CHCHD6: variants seen among roughly 807,000 people sequenced by gnomAD.
CHCHD6 encodes the protein MICOS complex subunit MIC25.
CHCHD6 carries 28 observed loss-of-function variants against 32.3 expected under a neutral mutation model. The ratio of observed to expected loss-of-function variants is 0.87; its 90% CI spans 0.64 to 1.19. CHCHD6 has a LOEUF of 1.19. Among genes scored for constraint, CHCHD6 ranks in the 50% most tolerant of loss-of-function variants. CHCHD6 has a pLI of 0.00. For missense variants in CHCHD6, 333 were observed against 307.0 expected (o/e 1.08, Z -0.63); for synonymous variants, 122 against 117.5 (o/e 1.04, Z -0.25).
Position 126,960,227 on chromosome 3 carries a change from G to A in CHCHD6, c.*26G>A. On this transcript the variant is annotated 3_prime_UTR_variant, in exon 8 of 8. Coordinates refer to ENST00000290913, the MANE Select transcript of CHCHD6 (RefSeq NM_032343.3). ...GGAGCAGACATCATTCCCTGCCCTGGCAGTGACTTGGAGCCCTGAAGAAGG... is the reference window on the plus strand; with the variant it reads ...GGAGCAGACATCATTCCCTGCCCTGACAGTGACTTGGAGCCCTGAAGAAGG... 1 of 1,551,254 alleles carries A rather than the reference G, an allele frequency of 6.4e-7. No individual in the cohort carries two copies. The highest frequency in any genetic ancestry group is 8.7e-7 in the Non-Finnish European group (1 of 1,146,852).
intron 5 of CHCHD6, among the ~76,000 whole-genome samples, chr3:126,861,686 TGA>T (rs1941881333): frequency 5.2e-5 from 1 of 19,096 alleles, no homozygotes; most frequent in African/African-American, 2.1e-4. Context: ...TTCCCCTCCA[TGA>T]CCATCACCAC....
chr3:126,893,515 A>C (rs1238339145), intron 5 of CHCHD6, among the ~76,000 whole-genome samples: 1 of 152,238 alleles, frequency 6.6e-6, no homozygotes, highest in Non-Finnish European at 1.5e-5. Flanking sequence ...TTTCTTGCTC[A>C]GGAGTTGCGA....
chr3:126,758,839 C>T (rs1210959963), intron 4 of CHCHD6, among the ~76,000 whole-genome samples: 1 of 152,154 alleles, frequency 6.6e-6, no homozygotes. Flanking sequence ...TTTTAGAAAG[C>T]CACCCTTTCT....
chr3:126,888,990 C>T (rs899809995), intron 5 of CHCHD6, among the ~76,000 whole-genome samples: 1 of 152,214 alleles, frequency 6.6e-6, no homozygotes, highest in African/African-American at 2.4e-5. Flanking sequence ...TGTGGAGACA[C>T]ATAAAACAGG....
chr3:126,748,147 A>G (rs954666383), intron 4 of CHCHD6, among the ~76,000 whole-genome samples: 3 of 152,130 alleles, frequency 2.0e-5, no homozygotes, highest in East Asian at 1.9e-4. Flanking sequence ...CTTTCTCCTC[A>G]GATATCCCTG....
chr3:126,823,525 C>A (rs889649039), intron 4 of CHCHD6, among the ~76,000 whole-genome samples: 2 of 151,802 alleles, frequency 1.3e-5, no homozygotes, highest in African/African-American at 4.8e-5. Flanking sequence ...TTTTTTATTT[C>A]TTGTTAGTAT....
chr3:126,839,436 C>A (rs1940984247), intron 4 of CHCHD6, among the ~76,000 whole-genome samples: 1 of 152,210 alleles, frequency 6.6e-6, no homozygotes, highest in African/African-American at 2.4e-5. Flanking sequence ...ATGCTAAATA[C>A]TGTATTAGCT....
rs192702238 is a variant in CHCHD6, at chr3:126,840,031, G to T, written c.412-12616G>T. On this transcript the variant is annotated intron_variant, in intron 4 of 7. Coordinates refer to ENST00000290913, the MANE Select transcript of CHCHD6 (RefSeq NM_032343.3). The stretch of plus-strand genomic sequence containing the variant: ...TATCTCTATGTGTTTGCCTAATCTG[G>T]ACATTTCATATTAATGGAATCATAT... Among the ~76,000 whole-genome samples, 16 of 152,284 alleles carry T rather than the reference G, an allele frequency of 1.1e-4. No individual in the cohort carries two copies. The East Asian group carries it at 2.9e-3, about 28-fold the overall frequency.
intron 3 of CHCHD6, among the ~76,000 whole-genome samples, chr3:126,732,288 A>T (rs1935845864): frequency 6.6e-6 from 1 of 152,134 alleles, no homozygotes; most frequent in African/African-American, 2.4e-5. Flanking sequence ...TTCTCCACCC[A>T]GTCCCCTCAC....
chr3:126,804,324 A>G (rs1412624769), intron 4 of CHCHD6, among the ~76,000 whole-genome samples: 1 of 152,074 alleles, frequency 6.6e-6, no homozygotes, highest in Non-Finnish European at 1.5e-5. Context: ...AGCAAGACTA[A>G]TAAAGAAAAA....
chr3:126,754,852 G>C (rs550151279), intron 4 of CHCHD6, among the ~76,000 whole-genome samples: 1 of 152,316 alleles, frequency 6.6e-6, no homozygotes, highest in South Asian at 2.1e-4. Flanking sequence ...TGGCCTTTGG[G>C]AGGCTGTCTC....
chr3:126,929,684 G>A (rs902345400), intron 6 of CHCHD6, among the ~76,000 whole-genome samples: 15 of 152,156 alleles, frequency 9.9e-5, no homozygotes, highest in African/African-American at 3.6e-4. Flanking sequence ...TCCTGCCTCA[G>A]CCTCCTGAGT....
chr3:126,826,631 A>C (rs1321564816), intron 4 of CHCHD6, among the ~76,000 whole-genome samples: 1 of 152,124 alleles, frequency 6.6e-6, no homozygotes, highest in Non-Finnish European at 1.5e-5. Flanking sequence ...TCCCTGAGTT[A>C]GATGGGGAAA....
intron 4 of CHCHD6, among the ~76,000 whole-genome samples, chr3:126,830,530 T>C (rs992100312): frequency 2.6e-5 from 4 of 152,226 alleles, no homozygotes; most frequent in African/African-American, 9.6e-5. Context: ...GCTGTCTTCC[T>C]CGCCCCCTGC....
chr3:126,823,209 A>T (rs879291901), intron 4 of CHCHD6, among the ~76,000 whole-genome samples: 2 of 152,156 alleles, frequency 1.3e-5, no homozygotes, highest in African/African-American at 2.4e-5. Context: ...GAGCCATCAC[A>T]CCTAGCCAAT....
chr3:126,704,447 G>T (rs1049232246), intron 1 of CHCHD6, 48 bp downstream of exon 1: 4 of 1,221,984 alleles, frequency 3.3e-6, no homozygotes, highest in Non-Finnish European at 3.2e-6. Context: ...CCGCGGGCGC[G>T]GGGGGGAGGT....
At chr3:126,723,606 G>A (rs1935408616) in intron 1 of CHCHD6, among the ~76,000 whole-genome samples, 1 of 152,160 alleles carries the variant, frequency 6.6e-6, no homozygotes, top group Admixed American at 6.5e-5. Context: ...TTCCGTGACA[G>A]TGTATGTGTA....
At chr3:126,902,839 G>C (rs1036195089) in intron 5 of CHCHD6, among the ~76,000 whole-genome samples, 1 of 152,192 alleles carries the variant, frequency 6.6e-6, no homozygotes, top group Non-Finnish European at 1.5e-5. Flanking sequence ...GTAAAGAGCA[G>C]GTGTGGAGAA....
At chr3:126,721,393 C>A (rs1191101369) in intron 1 of CHCHD6, among the ~76,000 whole-genome samples, 2 of 152,162 alleles carry the variant, frequency 1.3e-5, no homozygotes, top group Non-Finnish European at 2.9e-5. Context: ...CTGCAGACAT[C>A]GCTGCCGTCC....
Sources: gnomAD v4.1 joint callset for allele counts (sites outside exome capture counted in the v4.1 genomes callset) on GRCh38, gnomAD v4.1.1 for gene constraint, MANE v1.5 for transcripts, NCBI Gene and HGNC (gene_info 2026-07-23, HGNC 2026-07-21) for gene names.